Variants in PTPN22 observed in about 807,000 individuals in gnomAD.
The protein encoded by PTPN22 is tyrosine-protein phosphatase non-receptor type 22.
In PTPN22, 85 loss-of-function variants were observed where a neutral mutation model predicts 103.3. That is an observed-to-expected ratio of 0.82 (90% confidence interval 0.69 to 0.99). The LOEUF is 0.99. Among genes scored for constraint, PTPN22 ranks in the 50% least tolerant of loss-of-function variants. PTPN22 has a pLI of 0.00. For synonymous variants in PTPN22, 323 were observed against 310.2 expected (o/e 1.04, Z -0.43); for missense variants, 865 against 936.9 (o/e 0.92, Z 1.00).
chr1:113,866,993 C>T (rs1666177163), intron 1 of PTPN22, among the ~76,000 whole-genome samples: 1 of 152,212 alleles, frequency 6.6e-6, no homozygotes, highest in Non-Finnish European at 1.5e-5. Context: ...GCCATCTGCT[C>T]GTCTCAGCCT....
At chr1:113,817,971 T>C (rs1571329235) in intron 20 of PTPN22, among the ~76,000 whole-genome samples, 1 of 150,162 alleles carries the variant, frequency 6.7e-6, no homozygotes, top group South Asian at 2.1e-4. Flanking sequence ...TTTTTTTTTT[T>C]AAATGAGATG....
At chr1:113,857,689 TTC>T (rs776123993) in intron 5 of PTPN22, 47 bp downstream of exon 5, 1 of 1,556,486 alleles carries the variant, frequency 6.4e-7, no homozygotes, top group South Asian at 1.1e-5. Context: ...CCTCTCCTTT[TTC>T]TTCTTTCCTT....
chr1:113,854,161 C>T (rs1470844963), intron 9 of PTPN22, among the ~76,000 whole-genome samples: 3 of 152,036 alleles, frequency 2.0e-5, no homozygotes, highest in Non-Finnish European at 2.9e-5. Flanking sequence ...CCACTGTGCC[C>T]GGCCTAAATT....
upstream of PTPN22, chr1:113,871,741 G>T: frequency 4.7e-6 from 4 of 845,154 alleles, no homozygotes; most frequent in Non-Finnish European, 7.8e-6. Context: ...CATGCTGAAG[G>T]CTGTGGTTTA....
At chr1:113,842,147 C>T (rs1663607395) in intron 11 of PTPN22, among the ~76,000 whole-genome samples, 1 of 151,960 alleles carries the variant, frequency 6.6e-6, no homozygotes, top group African/African-American at 2.4e-5. Context: ...GAGTTTGAGG[C>T]TTCAGTGAGC....
chr1:113,819,448 CAT>C, intron 20 of PTPN22, 127 bp downstream of exon 20: 1 of 514,168 alleles, frequency 1.9e-6, no homozygotes, highest in Non-Finnish European at 3.2e-6. Flanking sequence ...AGATAAATTG[CAT>C]GGAAAAGAAT....
chr1:113,859,283 G>C, intron 2 of PTPN22, 69 bp downstream of exon 2: 1 of 1,543,150 alleles, frequency 6.5e-7, no homozygotes, highest in Non-Finnish European at 8.9e-7. Context: ...AGTAAGCAAT[G>C]GGTACAAAGA....
At chr1:113,823,381 C>G (rs1661781035) in intron 19 of PTPN22, 1 of 152,176 alleles carries the variant, frequency 6.6e-6, no homozygotes, top group Non-Finnish European at 1.5e-5. Context: ...ACATGGAATT[C>G]CAGAATCATG....
intron 1 of PTPN22, among the ~76,000 whole-genome samples, chr1:113,861,762 A>G (rs1477426008): frequency 1.3e-5 from 2 of 152,186 alleles, no homozygotes; most frequent in African/African-American, 4.8e-5. Context: ...GGGCAAAATT[A>G]GGGCAGAAAA....
chr1:113,830,955 A>G (rs1558024063), intron 16 of PTPN22, among the ~76,000 whole-genome samples: 1 of 152,176 alleles, frequency 6.6e-6, no homozygotes, highest in Non-Finnish European at 1.5e-5. Flanking sequence ...CTTACATGCT[A>G]GGTAATACAC....
chr1:113,845,366 C>G (rs1343699487), intron 11 of PTPN22, among the ~76,000 whole-genome samples: 1 of 151,776 alleles, frequency 6.6e-6, no homozygotes, highest in East Asian at 1.9e-4. Context: ...CCACACCTGG[C>G]TAATTTTTGT....
chr1:113,836,150 A>G (rs1407409543), intron 13 of PTPN22, among the ~76,000 whole-genome samples: 2 of 152,220 alleles, frequency 1.3e-5, no homozygotes, highest in East Asian at 1.9e-4. Flanking sequence ...TCTACAATAA[A>G]TAATGTTATA....
intron 11 of PTPN22, 78 bp from the exon 12 acceptor site, chr1:113,838,698 A>G (rs1403758898): frequency 5.3e-6 from 8 of 1,521,068 alleles, no homozygotes; most frequent in Non-Finnish European, 7.1e-6. Flanking sequence ...GAAGGCTGAA[A>G]AGTAATTTTT....
chr1:113,830,488 G>T (rs1310453242), intron 16 of PTPN22, among the ~76,000 whole-genome samples: 1 of 152,080 alleles, frequency 6.6e-6, no homozygotes, highest in Non-Finnish European at 1.5e-5. Context: ...ATTAAAAAAA[G>T]AAGGGAGAAC....
intron 11 of PTPN22, among the ~76,000 whole-genome samples, chr1:113,839,387 CTT>C (rs142785673): frequency 1.1e-4 from 16 of 144,288 alleles, no homozygotes; most frequent in East Asian, 2.0e-4. Flanking sequence ...TGGCCTCAAT[CTT>C]TTTTTTTTTT....
chr1:113,831,046 T>C (rs552949544), intron 16 of PTPN22, among the ~76,000 whole-genome samples: 35 of 152,336 alleles, frequency 2.3e-4, no homozygotes, highest in African/African-American at 8.2e-4. Context: ...ATAACTACTC[T>C]GAAGTAGTTC....
exon 13 of PTPN22, chr1:113,838,033 T>C: frequency 6.2e-7 from 1 of 1,614,022 alleles, no homozygotes; most frequent in Non-Finnish European, 8.5e-7. Context: ...TTCTCTCTGC[T>C]GTATCAATTC....
At chr1:113,848,752 G>T in intron 10 of PTPN22, 126 bp from the exon 11 acceptor site, 3 of 849,180 alleles carry the variant, frequency 3.5e-6, no homozygotes, top group Non-Finnish European at 5.6e-6. Flanking sequence ...AGGACGATCG[G>T]CATGTTATTA....
In PTPN22 at chr1:113,832,858, A is replaced by G. The variant is rs116780073; in HGVS notation, c.2053+253T>C. 1.8e-3 allele frequency: 594 copies of G among 335,468 alleles called. 4 individuals are homozygous for G. The highest frequency in any genetic ancestry group is 0.012 in the African/African-American group (547 of 45,118). The allele number at this position is 335,468 out of a possible 1,614,324, so 20.8% of individuals were successfully genotyped here. A position where few individuals can be genotyped will look rare whatever the true frequency, so the allele number is the denominator to read the frequency against. Reference sequence around the variant, plus strand: ...TATAGTGGAAAAGCTGCAAAGTTTTAAAAGATTCTCTCTGAAATAGTTTTT... The same window carrying G: ...TATAGTGGAAAAGCTGCAAAGTTTTGAAAGATTCTCTCTGAAATAGTTTTT... On this transcript the variant is annotated intron_variant, in intron 16 of 20. Transcript: ENST00000359785.
Sources: allele counts gnomAD v4.1 joint callset (sites outside exome capture counted in the v4.1 genomes callset), GRCh38; gene constraint gnomAD v4.1.1; transcripts MANE v1.5; gene names NCBI Gene and HGNC (gene_info 2026-07-23, HGNC 2026-07-21).